Variants in SCAPER observed in about 807,000 individuals in gnomAD.
The protein encoded by SCAPER is S phase cyclin A-associated protein in the endoplasmic reticulum.
Under a neutral mutation model 182.2 loss-of-function variants are expected in SCAPER, and 98 were observed. The observed-to-expected ratio is 0.54, with a 90% CI of 0.46 to 0.64. The LOEUF is 0.64. Ranked by LOEUF, SCAPER falls within the 30% of genes least tolerant of loss-of-function variation. SCAPER has a pLI of 0.00. For synonymous variants in SCAPER, 605 were observed against 564.6 expected (o/e 1.07, Z -1.01); for missense variants, 1,432 against 1,690.0 (o/e 0.85, Z 2.68).
intron 14 of SCAPER, among the ~76,000 whole-genome samples, chr15:76,764,051 C>CTA (rs1217868065): frequency 6.6e-6 from 1 of 151,936 alleles, no homozygotes; most frequent in Non-Finnish European, 1.5e-5. Flanking sequence ...GCATTGCTGT[C>CTA]TATGCACTTA....
rs1029060099 is a variant in SCAPER at position 76,831,460 on chromosome 15, C to T, written c.393+10274G>A. ...ACACACACCCACAACATCCCCTTGTCAGCATGCATGTGCATGAGGACCCAC... is the reference window on the plus strand; with the variant it reads ...ACACACACCCACAACATCCCCTTGTTAGCATGCATGTGCATGAGGACCCAC... On this transcript the variant is annotated intron_variant, in intron 5 of 31. Coordinates refer to ENST00000563290, the MANE Select transcript of SCAPER (RefSeq NM_020843.4). 2.6e-5 allele frequency among the ~76,000 whole-genome samples: 4 copies of T among 151,758 alleles called. No individual in the cohort carries two copies. The East Asian group carries it at 5.8e-4, about 22-fold the overall frequency.
At chr15:76,652,331 C>CACACAT (rs1555519525) in intron 21 of SCAPER, among the ~76,000 whole-genome samples, 20 of 24,462 alleles carry the variant, frequency 8.2e-4, no homozygotes, top group Non-Finnish European at 1.4e-3. Context: ...CACACACACA[C>CACACAT]ATACACATAT....
rs80260554 is a variant in SCAPER at position 76,822,527 on chromosome 15, T to C, written c.394-17894A>G. On this transcript the variant is annotated intron_variant, in intron 5 of 31. Transcript: ENST00000563290. ...CCAAATACAACATTTCCACTGACAC[T>C]GAACTTCCAAAGATAAATTTTAAAT... 1.3e-3 allele frequency among the ~76,000 whole-genome samples: 191 copies of C among 152,336 alleles called. 4 individuals carry two copies. In the East Asian group the frequency reaches 0.035, roughly 28 times the overall value.
chr15:76,715,129 C>T, intron 17 of SCAPER, among the ~76,000 whole-genome samples: 1 of 152,032 alleles, frequency 6.6e-6, no homozygotes. Context: ...TCATTGGAGA[C>T]CTCAGGCCTC....
intron 23 of SCAPER, among the ~76,000 whole-genome samples, chr15:76,536,472 AT>A (rs1362370792): frequency 6.6e-6 from 1 of 152,252 alleles, no homozygotes; most frequent in African/African-American, 2.4e-5. Flanking sequence ...TGAGGACAGC[AT>A]TATACAGTTA....
chr15:76,567,216 C>T (rs2047099403), intron 23 of SCAPER: 5 of 359,610 alleles, frequency 1.4e-5, no homozygotes, highest in Admixed American at 6.5e-5. Flanking sequence ...TTGTTATCCA[C>T]AGATGTAGTT....
At chr15:76,633,042 T>A in intron 21 of SCAPER, among the ~76,000 whole-genome samples, 1 of 152,200 alleles carries the variant, frequency 6.6e-6, no homozygotes, top group East Asian at 1.9e-4. Context: ...CCCAAAGTGC[T>A]GGCTGGGATT....
At chr15:76,384,477 G>T (rs1207712560) in intron 27 of SCAPER, among the ~76,000 whole-genome samples, 1 of 152,068 alleles carries the variant, frequency 6.6e-6, no homozygotes, top group Non-Finnish European at 1.5e-5. Flanking sequence ...AAAAGTGAAG[G>T]TTATCAGAAC....
chr15:76,526,098 G>T (rs1469702472), intron 23 of SCAPER, among the ~76,000 whole-genome samples: 2 of 151,972 alleles, frequency 1.3e-5, no homozygotes, highest in Admixed American at 1.3e-4. Context: ...CAATTTCTAG[G>T]TTCATCATTT....
At chr15:76,349,204 A>G (rs2040372296) in intron 31 of SCAPER, 1 of 152,282 alleles carries the variant, frequency 6.6e-6, no homozygotes, top group Non-Finnish European at 1.5e-5. Context: ...TCTCAAAAAA[A>G]ACAAAAAACA....
intron 24 of SCAPER, among the ~76,000 whole-genome samples, chr15:76,502,711 T>TA (rs1340062756): frequency 2.0e-5 from 3 of 152,168 alleles, no homozygotes; most frequent in Admixed American, 2.0e-4. Context: ...CCCTAGAACT[T>TA]AAAGTATAAT....
intron 15 of SCAPER, among the ~76,000 whole-genome samples, chr15:76,739,223 T>C (rs2151098863): frequency 6.6e-6 from 1 of 152,314 alleles, no homozygotes; most frequent in East Asian, 1.9e-4. Context: ...CCTCCACAGA[T>C]ACTGAGGGAT....
intron 29 of SCAPER, among the ~76,000 whole-genome samples, chr15:76,357,070 T>C (rs564008159): frequency 3.7e-4 from 57 of 152,022 alleles, no homozygotes; most frequent in African/African-American, 1.3e-3. Context: ...ACCAACTGGC[T>C]TTGTGACCCT....
chr15:76,388,108 G>T (rs1232640470), intron 27 of SCAPER, among the ~76,000 whole-genome samples: 1 of 152,182 alleles, frequency 6.6e-6, no homozygotes, highest in African/African-American at 2.4e-5. Flanking sequence ...AGGTATCAAA[G>T]TTCCCAAGTA....
At chr15:76,610,210 T>C (rs1286967714) in intron 22 of SCAPER, among the ~76,000 whole-genome samples, 1 of 152,036 alleles carries the variant, frequency 6.6e-6, no homozygotes. Flanking sequence ...AGTTTATGTC[T>C]TCCCAAACCC....
chr15:76,839,930 G>T (rs2069302132), intron 5 of SCAPER, among the ~76,000 whole-genome samples: 3 of 152,022 alleles, frequency 2.0e-5, no homozygotes, highest in Admixed American at 2.0e-4. Context: ...TCAGTCATTT[G>T]TTATTTTTAA....
intron 23 of SCAPER, among the ~76,000 whole-genome samples, chr15:76,570,320 A>AT (rs915299412): frequency 5.9e-4 from 87 of 146,636 alleles, no homozygotes; most frequent in Non-Finnish European, 8.5e-4. Flanking sequence ...AGATGCCAAC[A>AT]TTTTTTTTTT....
intron 15 of SCAPER, among the ~76,000 whole-genome samples, chr15:76,746,628 G>T (rs935257369): frequency 2.2e-4 from 33 of 152,068 alleles, no homozygotes; most frequent in African/African-American, 6.5e-4. Context: ...GAATCCAAAA[G>T]AATTCACTAA....
intron 7 of SCAPER, 130 bp from the exon 8 acceptor site, chr15:76,795,570 G>A: frequency 1.7e-6 from 1 of 573,796 alleles, no homozygotes; most frequent in Non-Finnish European, 2.7e-6. Flanking sequence ...ATCTGCCACG[G>A]CAATTTAAGG....
Sources: gnomAD v4.1 joint callset for allele counts (sites outside exome capture counted in the v4.1 genomes callset) on GRCh38, gnomAD v4.1.1 for gene constraint, MANE v1.5 for transcripts, NCBI Gene and HGNC (gene_info 2026-07-23, HGNC 2026-07-21) for gene names.